The following MARCHF10 variants were observed in gnomAD, a reference collection of about 807,000 sequenced individuals.
MARCHF10 encodes probable E3 ubiquitin-protein ligase MARCHF10.
Under a neutral mutation model 76.2 loss-of-function variants are expected in MARCHF10, and 64 were observed. The ratio of observed to expected loss-of-function variants is 0.84; its 90% CI spans 0.69 to 1.03. MARCHF10 has a LOEUF of 1.03. Among genes scored for constraint, MARCHF10 ranks in the 50% least tolerant of loss-of-function variants. The probability of loss-of-function intolerance (pLI) is 0.00; values close to 1 mark genes in which losing one functional copy is unlikely to be tolerated. For synonymous variants in MARCHF10, 340 were observed against 357.5 expected (o/e 0.95, Z 0.55); for missense variants, 875 against 958.0 (o/e 0.91, Z 1.14).
intron 2 of MARCHF10, among the ~76,000 whole-genome samples, chr17:62,799,471 G>C (rs968783896): frequency 3.9e-5 from 6 of 152,176 alleles, no homozygotes; most frequent in Admixed American, 3.9e-4. Context: ...AATTGGGCCA[G>C]ACACAGTGGC....
At chr17:62,741,286 G>A (rs1027419012) in intron 5 of MARCHF10, among the ~76,000 whole-genome samples, 1 of 152,154 alleles carries the variant, frequency 6.6e-6, no homozygotes, top group South Asian at 2.1e-4. Context: ...TGTGATAAAT[G>A]TCCTTGCTCA....
chr17:62,773,646 T>C (rs1025086460), intron 3 of MARCHF10, among the ~76,000 whole-genome samples: 1 of 152,018 alleles, frequency 6.6e-6, no homozygotes, highest in Non-Finnish European at 1.5e-5. Context: ...GCTCACGGGA[T>C]CCCAGGCACA....
At chr17:62,713,840 G>A (rs547115362) in intron 8 of MARCHF10, among the ~76,000 whole-genome samples, 2 of 152,278 alleles carry the variant, frequency 1.3e-5, no homozygotes, top group African/African-American at 2.4e-5. Context: ...AGGAGGGGGC[G>A]GGGACATTAA....
chr17:62,705,176 C>G, intron 10 of MARCHF10: 1 of 1,204,352 alleles, frequency 8.3e-7, no homozygotes, highest in South Asian at 1.8e-5. Context: ...GGAGGGTTTT[C>G]CTAGAGGAAT....
At chr17:62,755,605 C>A (rs937438501) in intron 4 of MARCHF10, among the ~76,000 whole-genome samples, 2 of 152,186 alleles carry the variant, frequency 1.3e-5, no homozygotes, top group South Asian at 2.1e-4. Context: ...CCTACACCAG[C>A]GTTCATGATG....
intron 4 of MARCHF10, among the ~76,000 whole-genome samples, chr17:62,756,428 A>G (rs1482951056): frequency 7.9e-5 from 12 of 152,200 alleles, no homozygotes; most frequent in Admixed American, 7.9e-4. Context: ...CCTGGGCAAC[A>G]CAGTAAGACC....
Position 62,737,329 on chromosome 17 carries a change from T to G in MARCHF10, c.539A>C (p.Gln180Pro). ...CATCAGGCCTTCTTGTTGAACTACT[T>G]GATCTGCATTGAGAAAAGACACATT... ...AKVPVPRGAD[Q>P]VVQQEGLMCN... The change falls in exon 6 of 11, where the codon CAA becomes CCA. Residue 180 changes from glutamine to proline, a missense_variant. Transcript: ENST00000311269. The G allele has an allele frequency of 6.2e-7, 1 of 1,605,982 alleles. No homozygotes were observed. The highest frequency in any genetic ancestry group is 1.1e-5 in the South Asian group (1 of 88,942).
intron 9 of MARCHF10, among the ~76,000 whole-genome samples, chr17:62,710,361 T>C (rs2089851728): frequency 6.6e-6 from 1 of 152,220 alleles, no homozygotes; most frequent in Admixed American, 6.5e-5. Flanking sequence ...GAGAAATTTA[T>C]GTCAGCATTT....
At chr17:62,807,756 C>T (rs571804387) in intron 1 of MARCHF10, among the ~76,000 whole-genome samples, 103 of 152,174 alleles carry the variant, frequency 6.8e-4, no homozygotes, top group Non-Finnish European at 1.2e-3. Flanking sequence ...GAGCGAGACT[C>T]CTTCTCAAAA....
chr17:62,705,211 CA>C (rs2089502924), intron 10 of MARCHF10: 1 of 1,268,546 alleles, frequency 7.9e-7, no homozygotes, highest in Non-Finnish European at 1.0e-6. Flanking sequence ...AACCAACCCC[CA>C]AACTCTCCAA....
chr17:62,794,005 GACC>G lies in MARCHF10; in HGVS notation c.91-5409_91-5407del, dbSNP rs1482713422. On this transcript the variant is annotated intron_variant, in intron 2 of 10. Transcript: ENST00000311269. ...TCACCACCACCACCACCTCCATCAT[GACC>G]ACCATCACCACCATCACTACCATTT... Among the ~76,000 whole-genome samples the G allele has an allele frequency of 7.2e-4, 63 of 87,256 alleles. 1 individual carries two copies. The highest frequency in any genetic ancestry group is 1.9e-3 in the African/African-American group (41 of 21,096). 57.2% of individuals were successfully genotyped at this position (87,256 alleles called of 152,430 possible). A position where few individuals can be genotyped will look rare whatever the true frequency, so the allele number is the denominator to read the frequency against.
At chr17:62,789,082 A>AC (rs1474107242) in intron 2 of MARCHF10, among the ~76,000 whole-genome samples, 18 of 149,948 alleles carry the variant, frequency 1.2e-4, no homozygotes, top group Non-Finnish European at 1.3e-4. Flanking sequence ...AAAAAAAAAA[A>AC]AAAAAAAAAA....
chr17:62,793,508 T>TCACCACCACCACCTCCAC (rs2092920073), intron 2 of MARCHF10, among the ~76,000 whole-genome samples: 1 of 37,212 alleles, frequency 2.7e-5, no homozygotes, highest in Non-Finnish European at 4.6e-5. Context: ...ACCACCTCCA[T>TCACCACCACCACCTCCAC]CACCACCACC....
intron 7 of MARCHF10, among the ~76,000 whole-genome samples, chr17:62,723,793 T>C (rs997099280): frequency 6.6e-6 from 1 of 152,114 alleles, no homozygotes; most frequent in Non-Finnish European, 1.5e-5. Context: ...AACCAAAATC[T>C]ACTCGTTTTC....
chr17:62,789,406 CCTG>C (rs1354675491), intron 2 of MARCHF10, among the ~76,000 whole-genome samples: 1 of 152,198 alleles, frequency 6.6e-6, no homozygotes, highest in Non-Finnish European at 1.5e-5. Context: ...TACTAAAAAG[CCTG>C]CTGCTGTGGC....
At chr17:62,732,422 T>G (rs1490441382) in intron 6 of MARCHF10, among the ~76,000 whole-genome samples, 1 of 152,182 alleles carries the variant, frequency 6.6e-6, no homozygotes. Flanking sequence ...GCCCTGAAAC[T>G]GGGGCCTGTT....
At chr17:62,784,386 A>T (rs904935784) in intron 3 of MARCHF10, among the ~76,000 whole-genome samples, 1 of 152,182 alleles carries the variant, frequency 6.6e-6, no homozygotes, top group Non-Finnish European at 1.5e-5. Context: ...AAATAATAAG[A>T]GCTATTTATG....
At chr17:62,760,072 A>G in intron 3 of MARCHF10, 66 bp from the exon 4 acceptor site, 1 of 1,428,872 alleles carries the variant, frequency 7.0e-7, no homozygotes, top group South Asian at 1.2e-5. Context: ...GGCAGAGAAA[A>G]CAGAAATGAG....
intron 5 of MARCHF10, among the ~76,000 whole-genome samples, chr17:62,742,006 GT>G (rs1179421234): frequency 8.7e-5 from 11 of 126,062 alleles, no homozygotes; most frequent in Non-Finnish European, 1.6e-4. Flanking sequence ...CCTGGAAACT[GT>G]TTTTTTTTCT....
Sources: allele counts gnomAD v4.1 joint callset (sites outside exome capture counted in the v4.1 genomes callset), GRCh38; gene constraint gnomAD v4.1.1; transcripts MANE v1.5; gene names NCBI Gene and HGNC (gene_info 2026-07-23, HGNC 2026-07-21).